The following PRCD variants were observed in gnomAD, a reference collection of about 807,000 sequenced individuals.
The protein encoded by PRCD is photoreceptor disc component.
PRCD carries 12 observed loss-of-function variants against 10.1 expected under a neutral mutation model. The ratio of observed to expected loss-of-function variants is 1.18; its 90% CI spans 0.76 to 1.92. The LOEUF (loss-of-function observed/expected upper bound fraction) is 1.92, where lower values mean the gene tolerates loss of function less well. PRCD is among the 40% of genes most tolerant of loss of function. The pLI is 0.00. For synonymous variants in PRCD, 31 were observed against 26.2 expected, an observed-to-expected ratio of 1.18 and a Z score of -0.56; for missense variants, 61 against 72.2, an observed-to-expected ratio of 0.84 and a Z score of 0.56.
At chr17:76,532,762 C>T (rs1168360607) in intron 1 of PRCD, among the ~76,000 whole-genome samples, 7 of 152,106 alleles carry the variant, frequency 4.6e-5, no homozygotes, top group Non-Finnish European at 7.4e-5. Flanking sequence ...GTCTCAAATT[C>T]CTGACCTCAG....
chr17:76,542,664 G>A (rs748004830), intron 3 of PRCD, 31 bp downstream of exon 3: 3 of 1,442,186 alleles, frequency 2.1e-6, no homozygotes, highest in South Asian at 1.1e-5. Flanking sequence ...GGGGAGGGCA[G>A]AGGGCAAGGC....
intron 1 of PRCD, chr17:76,529,206 G>A: frequency 2.0e-6 from 2 of 985,382 alleles, no homozygotes; most frequent in Non-Finnish European, 2.4e-6. Flanking sequence ...CGAGCCCATG[G>A]GGACCCTGGC....
In PRCD at chr17:76,528,171, T is replaced by G. The variant is rs943090558; in HGVS notation, n.45+338T>G. ...ATATATAGCTCGTATATAGAATATA[T>G]CTGTATATATGGTAGATGTGTGCGT... On this transcript the variant is annotated intron_variant and non_coding_transcript_variant, in intron 1 of 4. Coordinates refer to the PRCD transcript ENST00000397633. The surrounding 1 kb of genome is among the most constrained non-coding windows in gnomAD (Gnocchi z 5.8). 1.8e-5 allele frequency: 7 copies of G among 394,178 alleles called. No homozygotes were observed. The highest frequency in any genetic ancestry group is 4.1e-5 in the African/African-American group (2 of 48,366). 24.4% of individuals were successfully genotyped at this position (394,178 alleles called of 1,614,324 possible).
chr17:76,548,861 A>C (rs1399431693), downstream of PRCD, among the ~76,000 whole-genome samples: 1 of 152,236 alleles, frequency 6.6e-6, no homozygotes, highest in Non-Finnish European at 1.5e-5. Flanking sequence ...GGCAGCACAC[A>C]GGACAGTGAC....
At chr17:76,538,521 G>T (rs1332063574), upstream of PRCD, 15 of 465,636 alleles carry the variant, frequency 3.2e-5, no homozygotes, top group Non-Finnish European at 6.2e-5. Context: ...AGAACCAGCC[G>T]CTGCCCTGAA....
At chr17:76,546,546 A>C (rs12944601), downstream of PRCD, 50,941 of 151,808 alleles carry the variant, frequency 0.34, 10,605 homozygotes, top group African/African-American at 0.59. The surrounding 1 kb of genome is among the most constrained non-coding windows in gnomAD (Gnocchi z 4.5). Context: ...AGTGCCCACT[A>C]TGAGACAGGC....
In PRCD at chr17:76,530,799, G is replaced by T. The variant is rs2074827383; in HGVS notation, n.45+2966G>T. Among the ~76,000 whole-genome samples the T allele has an allele frequency of 1.3e-5, 2 of 152,074 alleles. No individual in the cohort carries two copies. Among genetic ancestry groups the T allele is most frequent in the African/African-American group, 4.8e-5 (2 of 41,376 alleles). ...CTGAGCAGCCTGAAGTCACAGGGGA[G>T]CCATCTTGAAGGCCTTTCCTATTAT... On this transcript the variant is annotated intron_variant and non_coding_transcript_variant, in intron 1 of 4. Coordinates refer to the PRCD transcript ENST00000397633. This position sits in a 1 kb window ranked among gnomAD's most constrained non-coding sequence, Gnocchi z 6.1.
Position 76,542,588 on chromosome 17 carries a change from C to T in PRCD, c.*14C>T. The T allele has an allele frequency of 6.2e-7, 1 of 1,613,916 alleles. No individual in the cohort carries two copies. The highest frequency in any genetic ancestry group is 8.5e-7 in the Non-Finnish European group (1 of 1,179,784). ...CCTCTGAAGTAAGCCCTCACCTCTG[C>T]AGGTGGGGCTCAGGCCCAGAGACTG... On this transcript the variant is annotated 3_prime_UTR_variant, in exon 3 of 5. Coordinates refer to ENST00000592014, the MANE Select transcript of PRCD (RefSeq NM_001077620.3).
chr17:76,530,882 T>C lies in PRCD; in HGVS notation n.45+3049T>C. On this transcript the variant is annotated intron_variant and non_coding_transcript_variant, in intron 1 of 4. Coordinates refer to the PRCD transcript ENST00000397633. This position sits in a 1 kb window ranked among gnomAD's most constrained non-coding sequence, Gnocchi z 6.1. ...CCTGCCTCAAGTGTGCCTGCCCAGGTGATCAGCCCCAGGGCCTCAGGAGAT... is the reference window on the plus strand; with the variant it reads ...CCTGCCTCAAGTGTGCCTGCCCAGGCGATCAGCCCCAGGGCCTCAGGAGAT... 7.4e-7 allele frequency: 1 copy of C among 1,349,210 alleles called. No homozygotes were observed. The highest frequency in any genetic ancestry group is 1.5e-5 in the South Asian group (1 of 65,858). The allele number at this position is 1,349,210 out of a possible 1,614,324, so 83.6% of individuals were successfully genotyped here. A position where few individuals can be genotyped will look rare whatever the true frequency, so the allele number is the denominator to read the frequency against.
chr17:76,534,146 T>TCTCTC (rs2074885915), intron 1 of PRCD, among the ~76,000 whole-genome samples: 9 of 129,014 alleles, frequency 7.0e-5, no homozygotes, highest in South Asian at 5.6e-4. Context: ...CTCTTTCTCT[T>TCTCTC]TCTCTCTCTC....
At chr17:76,538,325 T>TAGCACGGGGGTC (rs2074947037), upstream of PRCD, 1 of 308,198 alleles carries the variant, frequency 3.2e-6, no homozygotes, top group African/African-American at 2.3e-5. Flanking sequence ...TCTGGGGGGT[T>TAGCACGGGGGTC]AGCACGGGGG....
rs1200407674 is a variant in PRCD, at chr17:76,544,177, T to C, written c.*527T>C. 2 of 454,368 alleles carry C rather than the reference T, an allele frequency of 4.4e-6. No individual in the cohort carries two copies. The highest frequency in any genetic ancestry group is 4.0e-5 in the African/African-American group (2 of 49,974). 28.1% of individuals were successfully genotyped at this position (454,368 alleles called of 1,614,324 possible). ...GCAGCTGCTCCTGATGTCTCACAGC[T>C]ATTAGTCTTCAAAAACCCCCCGTGC... On this transcript the variant is annotated 3_prime_UTR_variant, in exon 5 of 5. Transcript: ENST00000592014.
chr17:76,542,761 A>C (rs927604812), intron 3 of PRCD, 128 bp downstream of exon 3: 1 of 694,170 alleles, frequency 1.4e-6, no homozygotes, highest in Non-Finnish European at 2.6e-6. Flanking sequence ...ATGGAGGTTC[A>C]AAGTAGGCGG....
chr17:76,530,265 C>G lies in PRCD; in HGVS notation n.45+2432C>G, dbSNP rs1268793944. Among the ~76,000 whole-genome samples, 1 of 152,122 alleles carries G rather than the reference C, an allele frequency of 6.6e-6. No individual in the cohort carries two copies. The highest frequency in any genetic ancestry group is 1.5e-5 in the Non-Finnish European group (1 of 68,010). On this transcript the variant is annotated intron_variant and non_coding_transcript_variant, in intron 1 of 4. Coordinates refer to the PRCD transcript ENST00000397633. This position sits in a 1 kb window ranked among gnomAD's most constrained non-coding sequence, Gnocchi z 6.1. ...CAGAGTCAGCCTCCCCTTGGGGGCC[C>G]AGGGAGGCCGAGTGTTCCCAACCGC...
chr17:76,533,688 ACT>A lies in PRCD; in HGVS notation n.45+5857_45+5858del, dbSNP rs1332184013. 6.6e-6 allele frequency among the ~76,000 whole-genome samples: 1 copy of A among 152,004 alleles called. No individual in the cohort carries two copies. The highest frequency in any genetic ancestry group is 1.9e-4 in the East Asian group (1 of 5,184). On this transcript the variant is annotated intron_variant and non_coding_transcript_variant, in intron 1 of 4. Coordinates refer to the PRCD transcript ENST00000397633. This position sits in a 1 kb window ranked among gnomAD's most constrained non-coding sequence, Gnocchi z 4.5. ...CAGGGAGCCAAGATTGTGCCATTGC[ACT>A]CCAGCCTGGGTGACAGAGTGAGACC...
At chr17:76,548,511 T>G (rs1182390142), downstream of PRCD, among the ~76,000 whole-genome samples, 1 of 152,198 alleles carries the variant, frequency 6.6e-6, no homozygotes, top group Non-Finnish European at 1.5e-5. Context: ...CCAGCCTCGG[T>G]GGCCTAGTTC....
chr17:76,538,529 G>C, upstream of PRCD: 1 of 465,496 alleles, frequency 2.1e-6, no homozygotes, highest in African/African-American at 2.0e-5. Flanking sequence ...CCGCTGCCCT[G>C]AATTCTAGCC....
chr17:76,547,712 CAG>C (rs769024409), downstream of PRCD, among the ~76,000 whole-genome samples: 7 of 150,364 alleles, frequency 4.7e-5, no homozygotes, highest in East Asian at 2.0e-4. Context: ...CACACACACA[CAG>C]AGACACATAC....
upstream of PRCD, chr17:76,538,284 G>C: frequency 5.1e-6 from 1 of 194,746 alleles, no homozygotes; most frequent in Non-Finnish European, 1.1e-5. Context: ...GGGGGCCGCG[G>C]CGCCACTCCC....
Sources: allele counts gnomAD v4.1 joint callset (sites outside exome capture counted in the v4.1 genomes callset), GRCh38; gene constraint gnomAD v4.1.1; non-coding constraint Gnocchi (gnomAD v3.1); transcripts MANE v1.5; gene names NCBI Gene and HGNC (gene_info 2026-07-23, HGNC 2026-07-21).